Variants in ADAMTS17 observed in about 807,000 individuals in gnomAD.
ADAMTS17 encodes ADAM metallopeptidase with thrombospondin type 1 motif 17, also known as A disintegrin and metalloproteinase with thrombospondin motifs 17.
Under a neutral mutation model 141.5 loss-of-function variants are expected in ADAMTS17, and 113 were observed. The ratio of observed to expected loss-of-function variants is 0.80; its 90% CI spans 0.69 to 0.93. ADAMTS17 has a LOEUF of 0.93. ADAMTS17 is among the 40% of genes least tolerant of loss of function. ADAMTS17 has a pLI of 0.00. For synonymous variants in ADAMTS17, 768 were observed against 630.6 expected (o/e 1.22, Z -3.27); for missense variants, 1,659 against 1,517.9 (o/e 1.09, Z -1.54).
intron 8 of ADAMTS17, among the ~76,000 whole-genome samples, chr15:100,186,587 C>T (rs370518811): frequency 1.3e-4 from 20 of 152,306 alleles, no homozygotes; most frequent in East Asian, 3.9e-4. Flanking sequence ...GTGATTCCAG[C>T]GCCCGGGGCA....
At chr15:100,164,121 C>G (rs1238310361) in intron 8 of ADAMTS17, among the ~76,000 whole-genome samples, 1 of 151,838 alleles carries the variant, frequency 6.6e-6, no homozygotes, top group African/African-American at 2.4e-5. Context: ...ATTCAGCACA[C>G]CCTCCTCCAC....
At chr15:99,998,176 T>G (rs905576981) in intron 18 of ADAMTS17, among the ~76,000 whole-genome samples, 1 of 152,188 alleles carries the variant, frequency 6.6e-6, no homozygotes, top group Non-Finnish European at 1.5e-5. Context: ...CCCAGCTTGA[T>G]TAACCAGAAC....
At chr15:100,142,417 T>C (rs2038702048) in intron 10 of ADAMTS17, among the ~76,000 whole-genome samples, 1 of 152,068 alleles carries the variant, frequency 6.6e-6, no homozygotes, top group Non-Finnish European at 1.5e-5. Flanking sequence ...GGGAAAGATA[T>C]GGGAAGGGAC....
intron 14 of ADAMTS17, among the ~76,000 whole-genome samples, chr15:100,102,723 C>T (rs924258080): frequency 1.5e-4 from 23 of 152,148 alleles, no homozygotes; most frequent in Non-Finnish European, 1.2e-4. Flanking sequence ...GGCTGGGCAC[C>T]GTCCTCAGCA....
chr15:100,095,750 C>G (rs2035717599), intron 15 of ADAMTS17, among the ~76,000 whole-genome samples: 1 of 152,044 alleles, frequency 6.6e-6, no homozygotes, highest in Non-Finnish European at 1.5e-5. Context: ...GACAAAGCAG[C>G]CTGCAGCTGC....
chr15:100,301,177 C>G (rs1295038552), intron 3 of ADAMTS17, among the ~76,000 whole-genome samples: 8 of 152,144 alleles, frequency 5.3e-5, no homozygotes, highest in Admixed American at 5.2e-4. Flanking sequence ...TTTACCTGTG[C>G]TTTTACATTA....
chr15:100,245,003 T>C (rs2042943897), intron 7 of ADAMTS17, among the ~76,000 whole-genome samples: 1 of 152,146 alleles, frequency 6.6e-6, no homozygotes, highest in African/African-American at 2.4e-5. Flanking sequence ...CCGAATTGCA[T>C]GACTAGAGTA....
intron 13 of ADAMTS17, among the ~76,000 whole-genome samples, 190 bp downstream of exon 13, chr15:100,116,657 C>T (rs955487683): frequency 6.6e-6 from 1 of 152,254 alleles, no homozygotes; most frequent in Non-Finnish European, 1.5e-5. Context: ...TGGAACATCT[C>T]AGAGAGCTGG....
At chr15:100,287,051 G>A (rs2142104465) in intron 3 of ADAMTS17, among the ~76,000 whole-genome samples, 1 of 152,304 alleles carries the variant, frequency 6.6e-6, no homozygotes, top group Admixed American at 6.5e-5. Context: ...AGCTGGGTGT[G>A]GTGGCACACA....
At chr15:100,071,225 G>A (rs1004203217) in intron 15 of ADAMTS17, among the ~76,000 whole-genome samples, 2 of 150,056 alleles carry the variant, frequency 1.3e-5, no homozygotes, top group Non-Finnish European at 3.0e-5. Flanking sequence ...ACCAATAACA[G>A]GCTCAGAAAT....
chr15:100,203,807 G>A (rs1296984792), intron 7 of ADAMTS17, among the ~76,000 whole-genome samples: 1 of 152,128 alleles, frequency 6.6e-6, no homozygotes, highest in Non-Finnish European at 1.5e-5. Context: ...GCTGAAGCAG[G>A]AGAATCACTT....
At position 100,048,878 on chromosome 15, in the gene ADAMTS17, T is replaced by G. The variant is rs772527649; in HGVS notation, c.2570A>C (p.Asn857Thr). The G allele has an allele frequency of 1.6e-5, 26 of 1,614,040 alleles. No individual in the cohort carries two copies. Among genetic ancestry groups the G allele is most frequent in the Non-Finnish European group, 2.0e-5 (24 of 1,180,024 alleles). ...SRPEPQVRRC[N>T]LHPCQSRWVA... The stretch of plus-strand genomic sequence containing the variant: ...TTACCGTGACTGGCAGGGGTGCAAG[T>G]TGCACCTTCGGACCTGGGGCTCTGG... The change falls in exon 18 of 22, where the codon AAC becomes ACC. Residue 857 changes from asparagine (N) to threonine (T), a missense_variant. By Grantham distance (65) the Asn-to-Thr change is moderately conservative. Transcript: ENST00000268070.
chr15:100,190,507 AG>A (rs1227503693), intron 8 of ADAMTS17, among the ~76,000 whole-genome samples: 1 of 151,542 alleles, frequency 6.6e-6, no homozygotes, highest in Non-Finnish European at 1.5e-5. Context: ...GGTTTTCCAG[AG>A]GCCACAGGTT....
At chr15:100,160,444 G>A (rs1371519713) in intron 8 of ADAMTS17, among the ~76,000 whole-genome samples, 1 of 152,180 alleles carries the variant, frequency 6.6e-6, no homozygotes, top group Non-Finnish European at 1.5e-5. Context: ...TGGGAGGATG[G>A]TCTCCTCATT....
intron 18 of ADAMTS17, among the ~76,000 whole-genome samples, chr15:100,011,816 G>T (rs1156445575): frequency 6.6e-6 from 1 of 152,226 alleles, no homozygotes; most frequent in African/African-American, 2.4e-5. Context: ...CATTTGGGTA[G>T]GTTCCAAGAT....
intron 4 of ADAMTS17, among the ~76,000 whole-genome samples, chr15:100,270,675 T>A (rs1253611068): frequency 2.6e-5 from 4 of 151,490 alleles, no homozygotes; most frequent in Admixed American, 6.6e-5. Context: ...GGTGTAGACA[T>A]AGGCCTACCT....
chr15:100,190,130 C>T (rs138399965), intron 8 of ADAMTS17, among the ~76,000 whole-genome samples: 7 of 152,302 alleles, frequency 4.6e-5, no homozygotes, highest in Admixed American at 2.0e-4. Flanking sequence ...ATGCTTCCAG[C>T]GACTCGCTAA....
At chr15:100,329,652 T>C (rs2045991738) in intron 3 of ADAMTS17, among the ~76,000 whole-genome samples, 1 of 152,152 alleles carries the variant, frequency 6.6e-6, no homozygotes, top group Non-Finnish European at 1.5e-5. Context: ...TCCTCACTTT[T>C]GTAAGGAGGC....
chr15:100,046,540 G>A (rs968215155), intron 18 of ADAMTS17, among the ~76,000 whole-genome samples: 9 of 152,216 alleles, frequency 5.9e-5, no homozygotes, highest in Non-Finnish European at 1.3e-4. Flanking sequence ...CAGGAACCCC[G>A]AACGGAGGGA....
Sources: gnomAD v4.1 joint callset for allele counts (sites outside exome capture counted in the v4.1 genomes callset) on GRCh38, gnomAD v4.1.1 for gene constraint, MANE v1.5 for transcripts, NCBI Gene and HGNC (gene_info 2026-07-23, HGNC 2026-07-21) for gene names.